ANO3: variants seen among roughly 807,000 people sequenced by gnomAD.
ANO3 encodes anoctamin-3.
ANO3 carries 99 observed loss-of-function variants against 144.8 expected under a neutral mutation model. The ratio of observed to expected loss-of-function variants is 0.68; its 90% confidence interval spans 0.58 to 0.81. ANO3 has a LOEUF of 0.81. Ranked by LOEUF, ANO3 falls within the 30% of genes least tolerant of loss-of-function variation. The pLI is 0.00. For synonymous variants in ANO3, 414 were observed against 392.6 expected (o/e 1.05, Z -0.64); for missense variants, 905 against 1,202.2 (o/e 0.75, Z 3.66).
intron 1 of ANO3, among the ~76,000 whole-genome samples, chr11:26,311,073 G>A (rs1053383389): frequency 6.6e-6 from 1 of 152,048 alleles, no homozygotes; most frequent in Non-Finnish European, 1.5e-5. Flanking sequence ...GGTGGTTTAC[G>A]GAATGGAAAT....
At chr11:26,323,487 G>A (rs888780626) in intron 1 of ANO3, among the ~76,000 whole-genome samples, 3 of 151,982 alleles carry the variant, frequency 2.0e-5, no homozygotes, top group Non-Finnish European at 4.4e-5. Flanking sequence ...AATTGCTTGG[G>A]GTTTTGAATG....
chr11:26,423,314 T>TTTTC (rs1857810923), intron 1 of ANO3, among the ~76,000 whole-genome samples: 2 of 149,042 alleles, frequency 1.3e-5, no homozygotes, highest in Admixed American at 1.3e-4. Context: ...TTATACTTTT[T>TTTTC]TTTTTTTTTT....
intron 1 of ANO3, among the ~76,000 whole-genome samples, chr11:26,354,332 G>A (rs1322979891): frequency 6.6e-6 from 1 of 152,204 alleles, no homozygotes; most frequent in African/African-American, 2.4e-5. Flanking sequence ...AGGGAGAGAA[G>A]GAAAACTTTT....
chr11:26,388,598 A>G (rs1207128098), intron 1 of ANO3, among the ~76,000 whole-genome samples: 1 of 152,152 alleles, frequency 6.6e-6, no homozygotes, highest in Middle Eastern at 3.2e-3. Context: ...TATACGTATG[A>G]CTAGCAACTA....
intron 4 of ANO3, among the ~76,000 whole-genome samples, chr11:26,504,882 G>C (rs1861356786): frequency 2.0e-5 from 3 of 151,974 alleles, no homozygotes; most frequent in Admixed American, 2.0e-4. Flanking sequence ...CGTGGTGGCG[G>C]GCGCCTGTAG....
At chr11:26,216,032 A>G (rs1252489535) in intron 1 of ANO3, among the ~76,000 whole-genome samples, 2 of 151,842 alleles carry the variant, frequency 1.3e-5, no homozygotes, top group African/African-American at 4.8e-5. Flanking sequence ...TTCATTTCCA[A>G]ATTTGCTTAG....
intron 11 of ANO3, 103 bp downstream of exon 11, chr11:26,542,171 C>A: frequency 1.6e-6 from 2 of 1,284,508 alleles, no homozygotes; most frequent in Non-Finnish European, 2.1e-6. Context: ...ATGCAGTCTA[C>A]AAAAAAGCAA....
intron 1 of ANO3, among the ~76,000 whole-genome samples, chr11:26,320,471 T>G (rs1854731678): frequency 1.3e-5 from 2 of 152,170 alleles, no homozygotes; most frequent in African/African-American, 2.4e-5. Flanking sequence ...TGTATGCTCT[T>G]AAAAACTTCT....
chr11:26,319,898 A>C (rs1854718201), intron 1 of ANO3, among the ~76,000 whole-genome samples: 1 of 151,984 alleles, frequency 6.6e-6, no homozygotes, highest in South Asian at 2.1e-4. Context: ...TAACTATTTT[A>C]AGTATTGTAG....
At chr11:26,573,860 G>C (rs1007235857) in intron 14 of ANO3, among the ~76,000 whole-genome samples, 2 of 152,096 alleles carry the variant, frequency 1.3e-5, no homozygotes, top group Non-Finnish European at 2.9e-5. Context: ...TAAACTGTAC[G>C]TAAATTTAAT....
chr11:26,622,718 GT>G (rs1212716490), intron 17 of ANO3, among the ~76,000 whole-genome samples: 1 of 152,180 alleles, frequency 6.6e-6, no homozygotes, highest in East Asian at 1.9e-4. Flanking sequence ...CAGTCGTGTT[GT>G]CTCACTACTA....
chr11:26,509,610 G>T (rs1861577007), intron 5 of ANO3, among the ~76,000 whole-genome samples: 1 of 152,066 alleles, frequency 6.6e-6, no homozygotes, highest in South Asian at 2.1e-4. Context: ...CCTGCGCCCG[G>T]CGCTACTATT....
rs757129211 is a variant in ANO3 at position 26,660,368 on chromosome 11, T to C, written c.2870T>C (p.Met957Thr). The change falls in exon 27 of 27, where the codon ATG becomes ACG. Residue 957 changes from methionine to threonine, a missense_variant. Physicochemically the swap from Met to Thr is moderately conservative, Grantham distance 81. This residue lies in a region of ANO3 where 597 missense variants were observed against 865.1 expected (regional missense o/e 0.69). Coordinates refer to ENST00000256737, the MANE Select transcript of ANO3 (RefSeq NM_031418.4). ...RREKYLVQEMMYEAELEHLQQ... is the reference protein window; with the variant it reads ...RREKYLVQEMTYEAELEHLQQ... ...GAGAAGTACTTAGTTCAAGAAATGA[T>C]GTATGAGGCTGAACTGGAACATTTG... The C allele has an allele frequency of 3.1e-6, 5 of 1,613,356 alleles. No homozygotes were observed. Among genetic ancestry groups the C allele is most frequent in the Middle Eastern group, 3.3e-4 (2 of 6,056 alleles).
At chr11:26,649,783 CTGAA>C (rs1284591519) in intron 24 of ANO3, among the ~76,000 whole-genome samples, 2 of 151,804 alleles carry the variant, frequency 1.3e-5, no homozygotes, top group African/African-American at 4.8e-5. Flanking sequence ...GAAGTGGTGT[CTGAA>C]ATAAGATCTT....
chr11:26,354,718 A>G (rs997850293), intron 1 of ANO3, among the ~76,000 whole-genome samples: 2 of 152,072 alleles, frequency 1.3e-5, no homozygotes, highest in African/African-American at 4.8e-5. Flanking sequence ...TTAACTTTTC[A>G]TATTACCTCC....
In ANO3 at chr11:26,567,741, C is replaced by T. The variant is rs144376277; in HGVS notation, c.1447+7962C>T. Among the ~76,000 whole-genome samples the T allele has an allele frequency of 5.9e-5, 9 of 151,988 alleles. No individual in the cohort carries two copies. The East Asian group carries it at 1.2e-3, about 20-fold the overall frequency. The stretch of plus-strand genomic sequence containing the variant: ...GGCAGACATATGAGAACATTCATAG[C>T]GGCATTATTTATAAGAGCCTCAAAC... On this transcript the variant is annotated intron_variant, in intron 14 of 26. Transcript: ENST00000256737.
intron 4 of ANO3, among the ~76,000 whole-genome samples, chr11:26,479,673 T>G (rs547167518): frequency 4.6e-5 from 7 of 152,238 alleles, no homozygotes; most frequent in Non-Finnish European, 7.4e-5. Context: ...CAATTCAAGA[T>G]GAGATTCAGG....
intron 14 of ANO3, among the ~76,000 whole-genome samples, chr11:26,597,645 T>C (rs902004649): frequency 1.3e-5 from 2 of 152,148 alleles, no homozygotes; most frequent in African/African-American, 2.4e-5. Flanking sequence ...AGAGCTCTCA[T>C]ACAATGGGAG....
intron 7 of ANO3, among the ~76,000 whole-genome samples, chr11:26,528,544 G>C (rs1849224509): frequency 6.6e-6 from 1 of 152,086 alleles, no homozygotes; most frequent in African/African-American, 2.4e-5. Flanking sequence ...CTAGAGCCTT[G>C]GGTGCTGTAG....
Sources: gnomAD v4.1 joint callset for allele counts (sites outside exome capture counted in the v4.1 genomes callset) on GRCh38, gnomAD v4.1.1 for gene constraint, gnomAD v4.1.1 regional missense constraint, MANE v1.5 for transcripts, NCBI Gene and HGNC (gene_info 2026-07-23, HGNC 2026-07-21) for gene names.